Variants in CYP7B1 observed in about 807,000 individuals in gnomAD.
CYP7B1 encodes cytochrome P450 family 7 subfamily B member 1, also known as cytochrome P450 7B1.
In CYP7B1, 29 loss-of-function variants were observed where a neutral mutation model predicts 42.7. The observed-to-expected ratio is 0.68, with a 90% CI of 0.51 to 0.93. CYP7B1 has a LOEUF of 0.93. CYP7B1 is among the 40% of genes least tolerant of loss of function. The pLI, the probability that CYP7B1 is intolerant of heterozygous loss-of-function variation, is 0.00. For synonymous variants in CYP7B1, 235 were observed against 218.2 expected, an observed-to-expected ratio of 1.08 and a Z score of -0.68; for missense variants, 655 against 600.5, an observed-to-expected ratio of 1.09 and a Z score of -0.95.
intron 5 of CYP7B1, among the ~76,000 whole-genome samples, chr8:64,604,203 A>G (rs1805242147): frequency 6.6e-6 from 1 of 152,226 alleles, no homozygotes; most frequent in Non-Finnish European, 1.5e-5. Flanking sequence ...AAGAAGGGGC[A>G]CATACCTTTC....
At chr8:64,693,831 C>T (rs1806784702) in intron 1 of CYP7B1, among the ~76,000 whole-genome samples, 1 of 152,150 alleles carries the variant, frequency 6.6e-6, no homozygotes, top group Admixed American at 6.5e-5. Context: ...ACTTGATCTT[C>T]CTAGCAACCA....
At chr8:64,648,111 A>T (rs1805981972) in intron 1 of CYP7B1, among the ~76,000 whole-genome samples, 1 of 152,214 alleles carries the variant, frequency 6.6e-6, no homozygotes, top group African/African-American at 2.4e-5. Flanking sequence ...TCTTCCCTGA[A>T]AGAGCTCAAT....
intron 1 of CYP7B1, among the ~76,000 whole-genome samples, chr8:64,657,350 A>T (rs553699484): frequency 6.6e-6 from 1 of 152,298 alleles, no homozygotes; most frequent in South Asian, 2.1e-4. Context: ...GGGAAAAAAA[A>T]GCTTTAATAT....
At chr8:64,635,373 A>C (rs1451162128) in intron 1 of CYP7B1, among the ~76,000 whole-genome samples, 1 of 152,212 alleles carries the variant, frequency 6.6e-6, no homozygotes, top group Non-Finnish European at 1.5e-5. Context: ...CCTCTGCTTC[A>C]CAGCAAATAA....
intron 1 of CYP7B1, among the ~76,000 whole-genome samples, chr8:64,641,716 A>G (rs1805858305): frequency 6.6e-6 from 1 of 152,172 alleles, no homozygotes; most frequent in Non-Finnish European, 1.5e-5. Context: ...TTGATGTCCC[A>G]TGGGTACCAA....
intron 1 of CYP7B1, among the ~76,000 whole-genome samples, chr8:64,629,232 A>G (rs1805653180): frequency 6.6e-6 from 1 of 151,394 alleles, no homozygotes; most frequent in Admixed American, 6.6e-5. Flanking sequence ...ATCTCAAAAA[A>G]AAAAAAAAAA....
At chr8:64,664,601 G>C (rs554340846) in intron 1 of CYP7B1, among the ~76,000 whole-genome samples, 2 of 152,124 alleles carry the variant, frequency 1.3e-5, no homozygotes, top group African/African-American at 2.4e-5. Flanking sequence ...CAGTCTGCAG[G>C]CTTGACGATC....
rs145521868 is a variant in CYP7B1, at chr8:64,615,711, T to C, written c.830A>G (p.His277Arg). Reference sequence around the variant, plus strand: ...CTTACCTCCTATTTCAAGGTCCTCGTGCACATAATATTTCTCCAGGACATC... The same window carrying C: ...CTTACCTCCTATTTCAAGGTCCTCGCGCACATAATATTTCTCCAGGACATC... The part of the protein sequence containing the change: ...RQDVLEKYYV[H>R]EDLEIGAHHL... The change falls in exon 3 of 6, where the codon CAC becomes CGC. Residue 277 changes from histidine (H) to arginine (R), a missense_variant. By Grantham distance (29) the His-to-Arg change is conservative. Coordinates refer to ENST00000310193, the MANE Select transcript of CYP7B1 (RefSeq NM_004820.5). 5 of 1,613,664 alleles carry C rather than the reference T, an allele frequency of 3.1e-6. No homozygotes were observed. In the South Asian group the frequency reaches 5.5e-5, roughly 18 times the overall value.
At position 64,776,465 on chromosome 8, in the gene CYP7B1, G is replaced by A. The variant is rs182114476; in HGVS notation, c.122+22001C>T. On this transcript the variant is annotated intron_variant, in intron 1 of 5. Transcript: ENST00000310193. ...TTATTATCAATTTGTCACACACAGG[G>A]CATGAGATGTCCCACAAATTTGATT... Among the ~76,000 whole-genome samples, 312 of 152,152 alleles carry A rather than the reference G, an allele frequency of 2.1e-3. 6 individuals carry two copies. Among genetic ancestry groups the A allele is most frequent in the Admixed American group, 0.02 (300 of 15,280 alleles).
chr8:64,721,155 T>C (rs969074077), intron 1 of CYP7B1, among the ~76,000 whole-genome samples: 1 of 151,974 alleles, frequency 6.6e-6, no homozygotes, highest in African/African-American at 2.4e-5. Flanking sequence ...TGTTTTTGCT[T>C]TAAAGGTGAA....
chr8:64,588,804 G>A (rs761440091), downstream of CYP7B1, among the ~76,000 whole-genome samples: 10 of 152,134 alleles, frequency 6.6e-5, no homozygotes, highest in Admixed American at 1.3e-4. Context: ...TGACTGAGTC[G>A]GTGCTCTCCA....
downstream of CYP7B1, among the ~76,000 whole-genome samples, chr8:64,589,064 G>C (rs1805003125): frequency 6.6e-6 from 1 of 152,182 alleles, no homozygotes; most frequent in East Asian, 1.9e-4. Context: ...AACAAAGTAA[G>C]CTCCTTTAAA....
At chr8:64,627,791 CAT>C (rs1365341115) in intron 1 of CYP7B1, among the ~76,000 whole-genome samples, 3 of 152,178 alleles carry the variant, frequency 2.0e-5, no homozygotes, top group Non-Finnish European at 4.4e-5. Flanking sequence ...CACAACTGTG[CAT>C]ATTTTCAGGA....
At chr8:64,761,715 T>G (rs1352291933) in intron 1 of CYP7B1, among the ~76,000 whole-genome samples, 1 of 152,204 alleles carries the variant, frequency 6.6e-6, no homozygotes, top group Non-Finnish European at 1.5e-5. Flanking sequence ...CTTAGTGGCA[T>G]GTGTTTTACA....
At chr8:64,588,099 G>A (rs920113343), downstream of CYP7B1, among the ~76,000 whole-genome samples, 2 of 152,158 alleles carry the variant, frequency 1.3e-5, no homozygotes, top group African/African-American at 4.8e-5. Context: ...TTTTATTGCT[G>A]TATTTTTAAA....
At chr8:64,607,029 C>T (rs906026631) in intron 4 of CYP7B1, among the ~76,000 whole-genome samples, 24 of 152,316 alleles carry the variant, frequency 1.6e-4, no homozygotes, top group African/African-American at 5.8e-4. Context: ...CAGCTGGGCC[C>T]TGGGAGGACT....
chr8:64,723,897 G>A (rs1017850726), intron 1 of CYP7B1, among the ~76,000 whole-genome samples: 1 of 152,156 alleles, frequency 6.6e-6, no homozygotes, highest in Non-Finnish European at 1.5e-5. Context: ...AGCTACACCA[G>A]TTGACCAGGA....
chr8:64,791,646 T>C (rs1262175259), intron 1 of CYP7B1, among the ~76,000 whole-genome samples: 1 of 152,220 alleles, frequency 6.6e-6, no homozygotes, highest in Non-Finnish European at 1.5e-5. Flanking sequence ...GCTTTGACAT[T>C]AGCCCAGGAG....
At chr8:64,755,973 G>A (rs917552079) in intron 1 of CYP7B1, among the ~76,000 whole-genome samples, 1 of 152,102 alleles carries the variant, frequency 6.6e-6, no homozygotes, top group African/African-American at 2.4e-5. Context: ...AGAGGTACAG[G>A]TGGTGGGCTG....
Sources: allele counts gnomAD v4.1 joint callset (sites outside exome capture counted in the v4.1 genomes callset), GRCh38; gene constraint gnomAD v4.1.1; transcripts MANE v1.5; gene names NCBI Gene and HGNC (gene_info 2026-07-23, HGNC 2026-07-21).